ADCY5: variants seen among roughly 807,000 people sequenced by gnomAD.
The protein encoded by ADCY5 is adenylate cyclase type 5.
ADCY5 carries 30 observed loss-of-function variants against 119.7 expected under a neutral mutation model. The ratio of observed to expected loss-of-function variants is 0.25; its 90% CI spans 0.19 to 0.34. The LOEUF (loss-of-function observed/expected upper bound fraction) is 0.34. Ranked by LOEUF, ADCY5 falls within the 10% of genes least tolerant of loss-of-function variation. The pLI, the probability that ADCY5 is intolerant of heterozygous loss-of-function variation, is 1.00. For missense variants in ADCY5, 1,324 were observed against 1,775.2 expected (o/e 0.75, Z 4.57); for synonymous variants, 753 against 762.2 (o/e 0.99, Z 0.20).
chr3:123,396,504 A>G (rs1251824895), intron 1 of ADCY5, among the ~76,000 whole-genome samples: 2 of 130,302 alleles, frequency 1.5e-5, no homozygotes, highest in Non-Finnish European at 3.3e-5. Flanking sequence ...AGGGAAAATA[A>G]GAGAAAGAAA....
In ADCY5 at chr3:123,449,037, C is replaced by G. The variant is rs1044357935; in HGVS notation, c.-492G>C. 6.5e-6 allele frequency: 1 copy of G among 154,496 alleles called. No individual in the cohort carries two copies. Among genetic ancestry groups the G allele is most frequent in the Non-Finnish European group, 1.4e-5 (1 of 69,600 alleles). The allele number at this position is 154,496 out of a possible 1,614,324, so 9.6% of individuals were successfully genotyped here. On this transcript the variant is annotated 5_prime_UTR_variant, in exon 1 of 21. Transcript: ENST00000462833. Reference sequence around the variant, plus strand: ...GCGGCGAGGGCGGCTCGGCGGGGGTCCCGGCGAAGAGACACTGCGGGTGCG... The same window carrying G: ...GCGGCGAGGGCGGCTCGGCGGGGGTGCCGGCGAAGAGACACTGCGGGTGCG...
rs543539323 is a variant in ADCY5, at chr3:123,365,428, G to A, written c.1135-12847C>T. Among the ~76,000 whole-genome samples, 10 of 152,334 alleles carry A rather than the reference G, an allele frequency of 6.6e-5. No homozygotes were observed. The Middle Eastern group carries it at 0.01, about 155-fold the overall frequency. ...GAAGTAGAGAGACTAAAAGAGGGCT[G>A]TGGAAATAGCACAGACGAGAAGCAC... On this transcript the variant is annotated intron_variant, in intron 1 of 20. Transcript: ENST00000462833.
intron 8 of ADCY5, among the ~76,000 whole-genome samples, chr3:123,323,144 G>C (rs1290147873): frequency 2.0e-5 from 3 of 152,226 alleles, no homozygotes; most frequent in Non-Finnish European, 2.9e-5. Context: ...GGGGACACCA[G>C]GCCCAGCCAG....
intron 3 of ADCY5, among the ~76,000 whole-genome samples, chr3:123,346,607 T>TTCTCTCTCTCTCTCTCTC (rs72299981): frequency 0.011 from 1,441 of 127,726 alleles, 10 homozygotes; most frequent in East Asian, 0.018. Context: ...CAGCCTCACC[T>TTCTCTCTCTCTCTCTCTC]TCTCTCTCTC....
At chr3:123,407,589 TAAA>T (rs35895488) in intron 1 of ADCY5, among the ~76,000 whole-genome samples, 3 of 94,172 alleles carry the variant, frequency 3.2e-5, no homozygotes, top group Admixed American at 1.2e-4. Flanking sequence ...CTATCTCTAC[TAAA>T]AAAAAAAAAA....
intron 8 of ADCY5, among the ~76,000 whole-genome samples, chr3:123,323,171 C>A (rs945642514): frequency 6.6e-6 from 1 of 152,192 alleles, no homozygotes; most frequent in African/African-American, 2.4e-5. Flanking sequence ...AGCCTCTGTT[C>A]CCACAGCCCT....
rs183217887 is a variant in ADCY5 at position 123,438,395 on chromosome 3, T to C, written c.1134+9017A>G. Among the ~76,000 whole-genome samples, 3 of 152,324 alleles carry C rather than the reference T, an allele frequency of 2.0e-5. No homozygotes were observed. The East Asian group carries it at 5.8e-4, about 29-fold the overall frequency. On this transcript the variant is annotated intron_variant, in intron 1 of 20. Coordinates refer to ENST00000462833, the MANE Select transcript of ADCY5 (RefSeq NM_183357.3). ...GTCCCCCTCTAACCTCAGTTTTGCT[T>C]TCCGCGGTTTCAGTAACCCATGGTC...
intron 12 of ADCY5, among the ~76,000 whole-genome samples, chr3:123,311,006 ACTCT>A (rs1156962875): frequency 1.3e-5 from 2 of 152,172 alleles, no homozygotes; most frequent in African/African-American, 4.8e-5. Flanking sequence ...AAGACGACTC[ACTCT>A]GTCAACACTC....
chr3:123,349,102 A>C, intron 2 of ADCY5, among the ~76,000 whole-genome samples: 1 of 152,122 alleles, frequency 6.6e-6, no homozygotes, highest in Non-Finnish European at 1.5e-5. Flanking sequence ...CCTCCCGTCC[A>C]TGGCTTGCCA....
intron 3 of ADCY5, among the ~76,000 whole-genome samples, chr3:123,339,516 GAC>G (rs969062166): frequency 8.5e-5 from 13 of 152,310 alleles, no homozygotes; most frequent in Admixed American, 5.9e-4. Context: ...GAGCCTGCTG[GAC>G]ACAGAATGCC....
intron 17 of ADCY5, among the ~76,000 whole-genome samples, chr3:123,294,759 C>T (rs1939393403): frequency 6.6e-6 from 1 of 152,106 alleles, no homozygotes; most frequent in Admixed American, 6.5e-5. Context: ...CTGCTGATCG[C>T]CGATGGGGAG....
intron 1 of ADCY5, among the ~76,000 whole-genome samples, chr3:123,401,213 T>C (rs1944741726): frequency 6.6e-6 from 1 of 152,146 alleles, no homozygotes; most frequent in Non-Finnish European, 1.5e-5. Context: ...GATCCTGGAT[T>C]TGAAGGTCCC....
At chr3:123,433,350 C>T (rs1945555272) in intron 1 of ADCY5, among the ~76,000 whole-genome samples, 1 of 152,142 alleles carries the variant, frequency 6.6e-6, no homozygotes, top group Middle Eastern at 3.2e-3. Flanking sequence ...GTCAAGGGGG[C>T]AGATGGATTC....
chr3:123,434,157 G>T lies in ADCY5; in HGVS notation c.1134+13255C>A, dbSNP rs374510045. Among the ~76,000 whole-genome samples the T allele has an allele frequency of 2.0e-4, 31 of 152,322 alleles. No individual in the cohort carries two copies. The South Asian group carries it at 2.1e-3, about 10-fold the overall frequency. The stretch of plus-strand genomic sequence containing the variant: ...CCTAGCACTGCCCTAACTGTGAAAA[G>T]AGCACTGGGTTTGGAGTCAGAGATC... On this transcript the variant is annotated intron_variant, in intron 1 of 20. Transcript: ENST00000462833.
intron 3 of ADCY5, among the ~76,000 whole-genome samples, chr3:123,340,820 C>T (rs945972335): frequency 6.6e-6 from 1 of 152,128 alleles, no homozygotes; most frequent in African/African-American, 2.4e-5. Context: ...TCTAGATATA[C>T]ACCCACCAAA....
chr3:123,371,773 T>C (rs1050154917), intron 1 of ADCY5, among the ~76,000 whole-genome samples: 12 of 152,220 alleles, frequency 7.9e-5, no homozygotes, highest in Non-Finnish European at 1.5e-4. Context: ...GTTTCCTGCC[T>C]GATTGTCCCC....
At chr3:123,408,446 A>G (rs1944961103) in intron 1 of ADCY5, among the ~76,000 whole-genome samples, 1 of 146,168 alleles carries the variant, frequency 6.8e-6, no homozygotes, top group Non-Finnish European at 1.5e-5. Context: ...TCACGAGGTC[A>G]GGAGTTCGAG....
intron 1 of ADCY5, among the ~76,000 whole-genome samples, chr3:123,391,579 T>C (rs903575): frequency 1 from 151,907 of 152,240 alleles, 75,790 homozygotes; most frequent in Middle Eastern, 1. Flanking sequence ...CTTGTTCCAG[T>C]CCAGCCTCCA....
At chr3:123,391,046 A>G (rs1301592860) in intron 1 of ADCY5, among the ~76,000 whole-genome samples, 1 of 152,252 alleles carries the variant, frequency 6.6e-6, no homozygotes, top group African/African-American at 2.4e-5. Context: ...CACACTTCCC[A>G]TCTGCCCCTC....
Sources: allele counts gnomAD v4.1 joint callset (sites outside exome capture counted in the v4.1 genomes callset), GRCh38; gene constraint gnomAD v4.1.1; transcripts MANE v1.5; gene names NCBI Gene and HGNC (gene_info 2026-07-23, HGNC 2026-07-21).